Variants in PCCA observed in about 807,000 individuals in gnomAD.
The protein encoded by PCCA is propionyl-CoA carboxylase subunit alpha.
A neutral mutation model predicts 101.3 loss-of-function variants in PCCA; 74 were observed. That is an observed-to-expected ratio of 0.73 (90% CI 0.61 to 0.89). The LOEUF (loss-of-function observed/expected upper bound fraction) is 0.89, where lower values mean the gene tolerates loss of function less well. Among genes scored for constraint, PCCA ranks in the 40% least tolerant of loss-of-function variants. The pLI is 0.00. For missense variants in PCCA, 891 were observed against 907.0 expected (o/e 0.98, Z 0.23); for synonymous variants, 294 against 313.6 (o/e 0.94, Z 0.66).
intron 12 of PCCA, among the ~76,000 whole-genome samples, chr13:100,290,028 T>A (rs1015444614): frequency 6.6e-6 from 1 of 152,202 alleles, no homozygotes; most frequent in African/African-American, 2.4e-5. Context: ...CGGGGGATAC[T>A]GTTTTGATTG....
intron 19 of PCCA, among the ~76,000 whole-genome samples, chr13:100,374,374 A>T (rs2075768662): frequency 6.6e-6 from 1 of 152,142 alleles, no homozygotes; most frequent in African/African-American, 2.4e-5. Context: ...ACCCAATAAC[A>T]AACTGATTTT....
At chr13:100,176,050 C>T (rs944010255) in intron 6 of PCCA, among the ~76,000 whole-genome samples, 5 of 152,284 alleles carry the variant, frequency 3.3e-5, no homozygotes, top group Middle Eastern at 3.4e-3. Flanking sequence ...TGATAGGCCT[C>T]GGTTCTTAGG....
At chr13:100,102,193 T>A (rs2047345230) in intron 1 of PCCA, among the ~76,000 whole-genome samples, 1 of 151,986 alleles carries the variant, frequency 6.6e-6, no homozygotes, top group African/African-American at 2.4e-5. Context: ...TAGGCTGGAG[T>A]ACAGTGGTGT....
chr13:100,236,450 T>TTTTTC (rs1395645328), intron 8 of PCCA: 1 of 153,318 alleles, frequency 6.5e-6, no homozygotes, highest in African/African-American at 2.4e-5. Context: ...ATTTCTTTTC[T>TTTTTC]TTTTCTTTTC....
intron 4 of PCCA, among the ~76,000 whole-genome samples, chr13:100,152,682 G>A (rs1258724154): frequency 1.3e-5 from 2 of 152,036 alleles, no homozygotes; most frequent in African/African-American, 2.4e-5. Flanking sequence ...TCCTGACCTC[G>A]TGATCCGCCC....
chr13:100,401,891 G>A (rs899611756), intron 19 of PCCA, among the ~76,000 whole-genome samples: 1 of 151,982 alleles, frequency 6.6e-6, no homozygotes, highest in South Asian at 2.1e-4. Context: ...TTTTGTAGAC[G>A]TGAAAGTGAA....
rs557088127 is a variant in PCCA at position 100,220,483 on chromosome 13, C to T, written c.600+11020C>T. 3.1e-4 allele frequency among the ~76,000 whole-genome samples: 46 copies of T among 150,772 alleles called. No individual in the cohort carries two copies. The South Asian group carries it at 9.5e-3, about 31-fold the overall frequency. On this transcript the variant is annotated intron_variant, in intron 7 of 23. Coordinates refer to ENST00000376285, the MANE Select transcript of PCCA (RefSeq NM_000282.4). The stretch of plus-strand genomic sequence containing the variant: ...AGAGACTGGGTTTCACCATGTTGGC[C>T]GGGTCTTGAACTCCTTACTTCAAGT...
At chr13:100,399,709 A>C (rs2077225321) in intron 19 of PCCA, among the ~76,000 whole-genome samples, 1 of 152,238 alleles carries the variant, frequency 6.6e-6, no homozygotes, top group African/African-American at 2.4e-5. Context: ...TTTTATATGC[A>C]TCTTGAATTA....
chr13:100,279,873 A>G (rs1027934180), intron 12 of PCCA, among the ~76,000 whole-genome samples: 11 of 152,132 alleles, frequency 7.2e-5, no homozygotes, highest in Non-Finnish European at 7.3e-5. Context: ...ATCTCCCAAG[A>G]TATATGTTAT....
intron 8 of PCCA, among the ~76,000 whole-genome samples, chr13:100,242,165 T>C (rs997379527): frequency 4.6e-5 from 7 of 152,106 alleles, no homozygotes; most frequent in Non-Finnish European, 1.0e-4. Context: ...ATGCTGTCTA[T>C]AAGAAACTCA....
intron 21 of PCCA, among the ~76,000 whole-genome samples, chr13:100,499,297 A>G (rs2085501589): frequency 6.6e-6 from 1 of 152,244 alleles, no homozygotes; most frequent in South Asian, 2.1e-4. Context: ...GTATCCCGGA[A>G]GATAATCATT....
In PCCA at chr13:100,394,688, G is replaced by A. The variant is rs1040765162; in HGVS notation, c.1746+26114G>A. 1.3e-5 allele frequency among the ~76,000 whole-genome samples: 2 copies of A among 152,094 alleles called. No individual in the cohort carries two copies. Among genetic ancestry groups the A allele is most frequent in the African/African-American group, 4.8e-5 (2 of 41,414 alleles). On this transcript the variant is annotated intron_variant, in intron 19 of 23. Transcript: ENST00000376285. The surrounding 1 kb of genome is among the most constrained non-coding windows in gnomAD (Gnocchi z 4.3). ...TGCATTTTGATTCACTTTGCCTACA[G>A]TGCACAGGTCAGGTCTGCTTCTCAA...
At chr13:100,502,460 G>A (rs575345159) in intron 21 of PCCA, among the ~76,000 whole-genome samples, 1 of 152,312 alleles carries the variant, frequency 6.6e-6, no homozygotes, top group South Asian at 2.1e-4. Flanking sequence ...TTATACAGAT[G>A]CAAGGGAAAT....
At chr13:100,299,137 A>G (rs2065859578) in intron 12 of PCCA, among the ~76,000 whole-genome samples, 1 of 152,102 alleles carries the variant, frequency 6.6e-6, no homozygotes, top group South Asian at 2.1e-4. Context: ...GCAGCTTGTT[A>G]TTTTAGTTAT....
chr13:100,242,388 T>G (rs1436751369), intron 8 of PCCA, among the ~76,000 whole-genome samples: 3 of 152,130 alleles, frequency 2.0e-5, no homozygotes, highest in Non-Finnish European at 4.4e-5. Context: ...CTAAAATATT[T>G]GAGATAAACA....
intron 21 of PCCA, among the ~76,000 whole-genome samples, chr13:100,498,752 G>A (rs879226769): frequency 2.0e-5 from 3 of 152,110 alleles, no homozygotes; most frequent in Admixed American, 2.0e-4. Context: ...ACTGGAGCAT[G>A]TGTCTGGTCT....
intron 6 of PCCA, among the ~76,000 whole-genome samples, chr13:100,206,299 C>A (rs946677671): frequency 7.9e-5 from 12 of 152,116 alleles, no homozygotes; most frequent in Non-Finnish European, 1.2e-4. Context: ...CAGAGTCTCA[C>A]TCTGTTGCCC....
intron 19 of PCCA, among the ~76,000 whole-genome samples, chr13:100,397,509 GT>G (rs1207532276): frequency 1.3e-5 from 2 of 152,054 alleles, no homozygotes; most frequent in African/African-American, 4.8e-5. Flanking sequence ...CCCAAAGAGC[GT>G]TCATAATCTG....
chr13:100,185,797 G>GCCCA (rs1235596741), intron 6 of PCCA, among the ~76,000 whole-genome samples: 4 of 152,044 alleles, frequency 2.6e-5, no homozygotes, highest in African/African-American at 7.2e-5. Flanking sequence ...ACAGGCATGT[G>GCCCA]CCACCCCGCC....
Sources: gnomAD v4.1 joint callset for allele counts (sites outside exome capture counted in the v4.1 genomes callset) on GRCh38, gnomAD v4.1.1 for gene constraint, Gnocchi (gnomAD v3.1) non-coding constraint, MANE v1.5 for transcripts, NCBI Gene and HGNC (gene_info 2026-07-23, HGNC 2026-07-21) for gene names.